Variants in PTPN3 observed in about 807,000 individuals in gnomAD.
PTPN3 encodes protein tyrosine phosphatase non-receptor type 3.
PTPN3 carries 96 observed loss-of-function variants against 132.7 expected under a neutral mutation model. The ratio of observed to expected loss-of-function variants is 0.72; its 90% CI spans 0.61 to 0.86. The LOEUF is 0.86. Ranked by LOEUF, PTPN3 falls within the 40% of genes least tolerant of loss-of-function variation. The probability of loss-of-function intolerance (pLI) is 0.00; values close to 1 mark genes in which losing one functional copy is unlikely to be tolerated. For synonymous variants in PTPN3, 398 were observed against 429.0 expected (o/e 0.93, Z 0.89); for missense variants, 1,125 against 1,159.6 (o/e 0.97, Z 0.43).
At chr9:109,457,520 C>T (rs1845626055) in intron 2 of PTPN3, 121 bp from the exon 3 acceptor site, 1 of 737,492 alleles carries the variant, frequency 1.4e-6, no homozygotes, top group Admixed American at 3.0e-5. Flanking sequence ...CACTTCCCAC[C>T]ACAAGAAAAG....
At chr9:109,465,174 G>T (rs1384993388) in intron 1 of PTPN3, among the ~76,000 whole-genome samples, 1 of 152,234 alleles carries the variant, frequency 6.6e-6, no homozygotes, top group Non-Finnish European at 1.5e-5. Flanking sequence ...AAGGAAACTG[G>T]TTTAACCGGT....
At chr9:109,405,362 G>A (rs1768983621) in intron 18 of PTPN3, among the ~76,000 whole-genome samples, 1 of 152,212 alleles carries the variant, frequency 6.6e-6, no homozygotes, top group African/African-American at 2.4e-5. Flanking sequence ...GAGCACAGCA[G>A]TATGGAGTGT....
intron 14 of PTPN3, among the ~76,000 whole-genome samples, chr9:109,415,064 GTCCGTCCATCCAACCATCCATCCA>G (rs1323636501): frequency 3.2e-5 from 4 of 126,304 alleles, no homozygotes; most frequent in East Asian, 2.7e-4. Flanking sequence ...CCGTCCATCC[GTCCGTCCATCCAACCATCCATCCA>G]TCCATCCATC....
At chr9:109,490,596 G>A (rs546821135) in intron 1 of PTPN3, among the ~76,000 whole-genome samples, 14 of 152,210 alleles carry the variant, frequency 9.2e-5, no homozygotes, top group South Asian at 6.2e-4. Flanking sequence ...AAAATTAGCC[G>A]GGCGTGGTGG....
intron 22 of PTPN3, among the ~76,000 whole-genome samples, chr9:109,386,441 G>T (rs562243021): frequency 6.6e-6 from 1 of 152,302 alleles, no homozygotes; most frequent in East Asian, 1.9e-4. Context: ...AATGAGACAC[G>T]ATGTGGCACT....
chr9:109,453,666 T>C (rs1167023670), intron 5 of PTPN3, among the ~76,000 whole-genome samples: 1 of 152,168 alleles, frequency 6.6e-6, no homozygotes, highest in Non-Finnish European at 1.5e-5. Context: ...ACAAGCTGAA[T>C]CCAGCCTGCT....
chr9:109,467,293 G>A (rs1248525553), intron 1 of PTPN3, among the ~76,000 whole-genome samples: 2 of 151,386 alleles, frequency 1.3e-5, no homozygotes, highest in South Asian at 2.1e-4. Context: ...AGACACAATA[G>A]AACCATTTCA....
intron 19 of PTPN3, among the ~76,000 whole-genome samples, chr9:109,399,943 T>TC (rs1840939912): frequency 1.3e-5 from 2 of 150,066 alleles, no homozygotes; most frequent in Admixed American, 1.3e-4. Context: ...CAGTTACCTT[T>TC]TTTTTTTTTT....
the PTPN3 span, among the ~76,000 whole-genome samples, chr9:109,515,737 C>A: frequency 6.6e-6 from 1 of 152,098 alleles, no homozygotes; most frequent in East Asian, 1.9e-4. Flanking sequence ...AGGGAGTAAG[C>A]AAGAGAAGAG....
the PTPN3 span, among the ~76,000 whole-genome samples, chr9:109,508,148 A>T: frequency 6.8e-6 from 1 of 146,080 alleles, no homozygotes; most frequent in Non-Finnish European, 1.5e-5. Flanking sequence ...AGAGTATTTG[A>T]TCTGTTTCTC....
chr9:109,464,409 AAGTGTGGGAGGAGGGTG>A (rs1845996079), intron 1 of PTPN3, among the ~76,000 whole-genome samples: 1 of 152,144 alleles, frequency 6.6e-6, no homozygotes, highest in Non-Finnish European at 1.5e-5. Context: ...CGTGAGGGTG[AAGTGTGGGAGGAGGGTG>A]AGGATTGCAA....
intron 1 of PTPN3, among the ~76,000 whole-genome samples, chr9:109,487,758 A>C (rs775065059): frequency 3.3e-5 from 5 of 152,278 alleles, no homozygotes; most frequent in Admixed American, 6.5e-5. Flanking sequence ...CTATAGTCAG[A>C]GAAATGCCAA....
At chr9:109,447,622 G>A (rs1844949262) in intron 6 of PTPN3, among the ~76,000 whole-genome samples, 1 of 152,120 alleles carries the variant, frequency 6.6e-6, no homozygotes, top group Admixed American at 6.5e-5. Context: ...GGTGTCTCTT[G>A]CTTCTAACTA....
intron 1 of PTPN3, among the ~76,000 whole-genome samples, chr9:109,468,349 T>C (rs918727301): frequency 2.6e-5 from 4 of 152,208 alleles, no homozygotes; most frequent in Non-Finnish European, 5.9e-5. Flanking sequence ...CTATTGTGGA[T>C]ACAGTTTTTT....
Position 109,436,871 on chromosome 9 carries a change from A to G in PTPN3, c.675+12T>C, listed in dbSNP as rs1844091783. 6.2e-7 allele frequency: 1 copy of G among 1,607,990 alleles called. No homozygotes were observed. On this transcript the variant is annotated intron_variant, in intron 9 of 25. Transcript: ENST00000374541. ...CATAATGTTTGAGCCAAGACATAAC[A>G]AGAATACATACCCTACCACTGTGCA...
intron 14 of PTPN3, among the ~76,000 whole-genome samples, chr9:109,412,192 T>A (rs1279031605): frequency 6.6e-6 from 1 of 151,938 alleles, no homozygotes; most frequent in Non-Finnish European, 1.5e-5. Context: ...TCTCTCTCCC[T>A]CCCTGCACCC....
At chr9:109,491,451 G>A (rs1193135458) in intron 1 of PTPN3, among the ~76,000 whole-genome samples, 1 of 151,846 alleles carries the variant, frequency 6.6e-6, no homozygotes, top group Non-Finnish European at 1.5e-5. Flanking sequence ...GAATTTATGG[G>A]ACTTCTTTGA....
At chr9:109,494,885 T>C (rs925383933) in intron 1 of PTPN3, among the ~76,000 whole-genome samples, 2 of 152,110 alleles carry the variant, frequency 1.3e-5, no homozygotes, top group Non-Finnish European at 2.9e-5. Flanking sequence ...TGCTCACACC[T>C]GGTCTTGGAA....
chr9:109,488,363 G>T (rs1251933176), intron 1 of PTPN3, among the ~76,000 whole-genome samples: 3 of 152,164 alleles, frequency 2.0e-5, no homozygotes, highest in African/African-American at 7.2e-5. Context: ...GCCTCCCAAA[G>T]TGCTAGGATT....
Sources: gnomAD v4.1 joint callset for allele counts (sites outside exome capture counted in the v4.1 genomes callset) on GRCh38, gnomAD v4.1.1 for gene constraint, MANE v1.5 for transcripts, NCBI Gene and HGNC (gene_info 2026-07-23, HGNC 2026-07-21) for gene names.